The following CLASP2 variants were observed in gnomAD, a reference collection of about 807,000 sequenced individuals.
CLASP2 encodes the protein cytoplasmic linker associated protein 2.
Under a neutral mutation model 194.4 loss-of-function variants are expected in CLASP2, and 47 were observed. The ratio of observed to expected loss-of-function variants is 0.24; its 90% CI spans 0.19 to 0.31. The LOEUF is 0.31. Among genes scored for constraint, CLASP2 ranks in the 10% least tolerant of loss-of-function variants. The pLI, the probability that CLASP2 is intolerant of heterozygous loss-of-function variation, is 1.00. For missense variants in CLASP2, 1,445 were observed against 1,823.6 expected (o/e 0.79, Z 3.78); for synonymous variants, 619 against 633.5 (o/e 0.98, Z 0.34).
At chr3:33,580,816 C>A (rs765563360) in intron 23 of CLASP2, among the ~76,000 whole-genome samples, 1 of 151,798 alleles carries the variant, frequency 6.6e-6, no homozygotes, top group South Asian at 2.1e-4. Context: ...GAGATCGAGA[C>A]CATCCTGGCT....
chr3:33,573,122 T>C lies in CLASP2; in HGVS notation c.2687A>G (p.Gln896Arg). 1.2e-6 allele frequency: 2 copies of C among 1,613,732 alleles called. No homozygotes were observed. The highest frequency in any genetic ancestry group is 1.7e-6 in the Non-Finnish European group (2 of 1,179,728). ...CAACGCATCTCACCTTAGTGTTCTCTGATTTTTTAATAAGTTCTGCAGACC... is the reference window on the plus strand; with the variant it reads ...CAACGCATCTCACCTTAGTGTTCTCCGATTTTTTAATAAGTTCTGCAGACC... ...LLGLQNLLKNQRTLSRVELKR... is the reference protein window; with the variant it reads ...LLGLQNLLKNRRTLSRVELKR... Residue 896 changes from glutamine (Q) to arginine (R), a missense_variant, in exon 25 of 39, where the codon CAG becomes CGG. By Grantham distance (43) the Gln-to-Arg change is conservative (BLOSUM62 1). Coordinates refer to ENST00000682230, the MANE Select transcript of CLASP2 (RefSeq NM_001365631.1).
At chr3:33,574,300 G>A (rs2064364763) in intron 24 of CLASP2, among the ~76,000 whole-genome samples, 1 of 151,988 alleles carries the variant, frequency 6.6e-6, no homozygotes, top group African/African-American at 2.4e-5. Flanking sequence ...CACCTCCAGA[G>A]GACATTATTC....
At chr3:33,649,727 C>A (rs114039480) in intron 7 of CLASP2, among the ~76,000 whole-genome samples, 2,043 of 152,242 alleles carry the variant, frequency 0.013, 51 homozygotes, top group African/African-American at 0.047. Flanking sequence ...AACAACTATA[C>A]CCTCGAGGTT....
At chr3:33,610,823 C>T (rs1039396212) in intron 13 of CLASP2, among the ~76,000 whole-genome samples, 1 of 152,200 alleles carries the variant, frequency 6.6e-6, no homozygotes, top group Non-Finnish European at 1.5e-5. Flanking sequence ...GATGACTGAA[C>T]AACTGTTGTC....
chr3:33,685,139 G>C (rs2090470051), intron 5 of CLASP2, among the ~76,000 whole-genome samples: 1 of 151,450 alleles, frequency 6.6e-6, no homozygotes, highest in Non-Finnish European at 1.5e-5. Context: ...TCAGGAGTTT[G>C]AGACCAGCCT....
chr3:33,562,460 T>C (rs987788087), intron 27 of CLASP2, among the ~76,000 whole-genome samples: 1 of 152,200 alleles, frequency 6.6e-6, no homozygotes, highest in Admixed American at 6.5e-5. Context: ...GCAAATCTGT[T>C]CAGTCATGTG....
At chr3:33,680,176 G>A (rs1394834959) in intron 6 of CLASP2, among the ~76,000 whole-genome samples, 2 of 152,182 alleles carry the variant, frequency 1.3e-5, no homozygotes, top group Non-Finnish European at 2.9e-5. Context: ...GTAAAAAGAT[G>A]AATGTTGCCA....
At chr3:33,703,591 T>A (rs2092509538) in intron 1 of CLASP2, among the ~76,000 whole-genome samples, 1 of 152,252 alleles carries the variant, frequency 6.6e-6, no homozygotes. Context: ...TCATGTTCCT[T>A]GGTATTTAGC....
chr3:33,629,012 A>G (rs760776163), intron 9 of CLASP2, among the ~76,000 whole-genome samples: 1 of 145,802 alleles, frequency 6.9e-6, no homozygotes, highest in Non-Finnish European at 1.5e-5. Flanking sequence ...AAGAACAAGA[A>G]AAAAAAAAAT....
intron 8 of CLASP2, chr3:33,644,482 C>A: frequency 8.1e-5 from 30 of 368,990 alleles, no homozygotes; most frequent in South Asian, 1.1e-4. Context: ...CAAAAAAACC[C>A]CAAAAAACTT....
rs757479299 is a variant in CLASP2 at position 33,559,292 on chromosome 3, A to T, written c.3009+15T>A. On this transcript the variant is annotated intron_variant, in intron 29 of 38. Transcript: ENST00000682230. The stretch of plus-strand genomic sequence containing the variant: ...CAATTCTTTATAATGTCTTCAAAAG[A>T]TCTCAAAGTTTTACCTTTAAGCTTG... 10 of 1,442,812 alleles carry T rather than the reference A, an allele frequency of 6.9e-6. No individual in the cohort carries two copies. Among genetic ancestry groups the T allele is most frequent in the African/African-American group, 2.8e-5 (2 of 71,324 alleles). 89.4% of individuals were successfully genotyped at this position (1,442,812 alleles called of 1,614,324 possible). A position where few individuals can be genotyped will look rare whatever the true frequency, so the allele number is the denominator to read the frequency against.
chr3:33,616,734 C>CTTTT (rs958911625), intron 12 of CLASP2, among the ~76,000 whole-genome samples: 18 of 95,358 alleles, frequency 1.9e-4, no homozygotes, highest in African/African-American at 2.5e-4. Flanking sequence ...ACTATACTTC[C>CTTTT]TTTTTTTTTT....
chr3:33,716,597 T>C lies in CLASP2; in HGVS notation c.195+1211A>G, dbSNP rs370701372. Among the ~76,000 whole-genome samples, 7 of 152,370 alleles carry C rather than the reference T, an allele frequency of 4.6e-5. No homozygotes were observed. The South Asian group carries it at 8.3e-4, about 18-fold the overall frequency. On this transcript the variant is annotated intron_variant, in intron 1 of 38. Transcript: ENST00000682230. ...ACTATCTTGAGTGTGAATATGTATA[T>C]GCCTTTCTTACAGAGTAAATTTAGC... is the stretch of plus-strand genomic sequence containing the variant.
intron 16 of CLASP2, among the ~76,000 whole-genome samples, chr3:33,605,539 A>G (rs1577087911): frequency 6.6e-6 from 1 of 152,054 alleles, no homozygotes; most frequent in East Asian, 1.9e-4. Flanking sequence ...CACTTGCCTC[A>G]CCCTGGTCCC....
At chr3:33,687,254 C>G in intron 4 of CLASP2, 119 bp from the exon 5 acceptor site, 1 of 594,684 alleles carries the variant, frequency 1.7e-6, no homozygotes, top group Non-Finnish European at 2.9e-6. Context: ...GATGGGCACA[C>G]ATCATTAAAA....
At position 33,648,244 on chromosome 3, in the gene CLASP2, T is replaced by C. The variant is rs149907558; in HGVS notation, c.716-3341A>G. Among the ~76,000 whole-genome samples, 182 of 152,198 alleles carry C rather than the reference T, an allele frequency of 1.2e-3. 1 individual carries two copies. Among genetic ancestry groups the C allele is most frequent in the African/African-American group, 3.7e-3 (152 of 41,542 alleles). On this transcript the variant is annotated intron_variant, in intron 7 of 38. Coordinates refer to ENST00000682230, the MANE Select transcript of CLASP2 (RefSeq NM_001365631.1). ...AAGACCCAGGCTGAATTTTTAAAAATAGGTTGCTTAAATGAGATATATTTT... is the reference window on the plus strand; with the variant it reads ...AAGACCCAGGCTGAATTTTTAAAAACAGGTTGCTTAAATGAGATATATTTT...
At chr3:33,635,061 G>C (rs1410963388) in intron 8 of CLASP2, among the ~76,000 whole-genome samples, 1 of 151,850 alleles carries the variant, frequency 6.6e-6, no homozygotes, top group African/African-American at 2.4e-5. Context: ...GGACCAGCCT[G>C]GGCAATATGA....
At chr3:33,541,096 A>T (rs925199224) in intron 32 of CLASP2, among the ~76,000 whole-genome samples, 3 of 152,124 alleles carry the variant, frequency 2.0e-5, no homozygotes, top group African/African-American at 7.2e-5. Flanking sequence ...TTCCTCAAAG[A>T]CCTAGAGACA....
chr3:33,551,835 G>A (rs1174627896), intron 29 of CLASP2, among the ~76,000 whole-genome samples: 1 of 152,100 alleles, frequency 6.6e-6, no homozygotes, highest in African/African-American at 2.4e-5. Flanking sequence ...CTCACAGGGA[G>A]CTAGTCTTTA....
Sources: allele counts gnomAD v4.1 joint callset (sites outside exome capture counted in the v4.1 genomes callset), GRCh38; gene constraint gnomAD v4.1.1; transcripts MANE v1.5; gene names NCBI Gene and HGNC (gene_info 2026-07-23, HGNC 2026-07-21).